SOBP: variants seen among roughly 807,000 people sequenced by gnomAD.
The protein encoded by SOBP is sine oculis binding protein homolog, also known as sine oculis-binding protein homolog.
Under a neutral mutation model 53.6 loss-of-function variants are expected in SOBP, and 4 were observed. The observed-to-expected ratio is 0.07, with a 90% CI of 0.04 to 0.17. The LOEUF is 0.17. SOBP is among the 10% of genes least tolerant of loss of function. The pLI, the probability that SOBP is intolerant of heterozygous loss-of-function variation, is 1.00. For missense variants in SOBP, 1,088 were observed against 1,204.7 expected (o/e 0.90, Z 1.43); for synonymous variants, 584 against 522.6 (o/e 1.12, Z -1.60).
intron 5 of SOBP, among the ~76,000 whole-genome samples, chr6:107,618,076 G>A (rs1028762463): frequency 7.9e-5 from 12 of 152,156 alleles, no homozygotes; most frequent in East Asian, 7.7e-4. Context: ...TGATGCGCCC[G>A]CCTCAGCCTC....
intron 4 of SOBP, among the ~76,000 whole-genome samples, chr6:107,550,023 G>A (rs963255281): frequency 6.6e-6 from 1 of 152,182 alleles, no homozygotes; most frequent in Non-Finnish European, 1.5e-5. Flanking sequence ...CTCCACACCT[G>A]GAAGGCCAGT....
intron 4 of SOBP, among the ~76,000 whole-genome samples, chr6:107,560,172 T>C (rs188589537): frequency 6.6e-6 from 1 of 152,300 alleles, no homozygotes; most frequent in East Asian, 1.9e-4. Context: ...ACCCTACCAA[T>C]CTGTTTTTAA....
rs570302025 is a variant in SOBP, at chr6:107,540,034, A to G, written c.573+6424A>G. Among the ~76,000 whole-genome samples, 4 of 152,336 alleles carry G rather than the reference A, an allele frequency of 2.6e-5. No homozygotes were observed. In the South Asian group the frequency reaches 8.3e-4, roughly 32 times the overall value. ...GATAATGATTATTCTTTTTCCTGGA[A>G]TAGTAGTTATACTCTGTTGATTCAG... On this transcript the variant is annotated intron_variant, in intron 4 of 6. Coordinates refer to ENST00000317357, the MANE Select transcript of SOBP (RefSeq NM_018013.4).
chr6:107,555,198 A>G (rs1261633079), intron 4 of SOBP, among the ~76,000 whole-genome samples: 8 of 49,058 alleles, frequency 1.6e-4, no homozygotes, highest in Non-Finnish European at 2.2e-4. Context: ...TAAGAGAATG[A>G]AAAAAAAAAA....
At position 107,635,236 on chromosome 6, in the gene SOBP, G is replaced by C. The variant is rs750702969; in HGVS notation, c.2392G>C (p.Gly798Arg). The change falls in exon 6 of 7, where the codon GGG becomes CGG. Residue 798 changes from glycine to arginine, a missense_variant. Physicochemically the swap from Gly to Arg is moderately radical, Grantham distance 125. Around this residue, in one of 6 missense-constraint regions of SOBP, gnomAD observed 665 missense variants for 629.7 expected, o/e 1.06. Coordinates refer to ENST00000317357, the MANE Select transcript of SOBP (RefSeq NM_018013.4). This position sits in a 1 kb window ranked among gnomAD's most constrained non-coding sequence, Gnocchi z 4.5. Reference sequence around the variant, plus strand: ...GCTGATGGGCGAGGAGGCCCTGGCGGGGGGCGACAAGTCAGACCCGAACCT... The same window carrying C: ...GCTGATGGGCGAGGAGGCCCTGGCGCGGGGCGACAAGTCAGACCCGAACCT... ...KKLMGEEALA[G>R]GDKSDPNLNN... 1.2e-5 allele frequency: 19 copies of C among 1,613,916 alleles called. No individual in the cohort carries two copies. In the South Asian group the frequency reaches 2.1e-4, roughly 18 times the overall value.
Position 107,635,499 on chromosome 6 carries a change from A to G in SOBP, c.*3+30A>G, listed in dbSNP as rs775872943. ...GTATGTCCGCCGGGCGCTCCTCCAC[A>G]CCAGCCAGTGCACCTCTCCTTACTT... On this transcript the variant is annotated intron_variant, in intron 6 of 6. Coordinates refer to ENST00000317357, the MANE Select transcript of SOBP (RefSeq NM_018013.4). The surrounding 1 kb of genome is among the most constrained non-coding windows in gnomAD (Gnocchi z 4.5). The G allele has an allele frequency of 1.9e-6, 3 of 1,609,198 alleles. No individual in the cohort carries two copies. Among genetic ancestry groups the G allele is most frequent in the South Asian group, 2.2e-5 (2 of 90,802 alleles).
At chr6:107,577,799 C>G (rs544147347) in intron 4 of SOBP, among the ~76,000 whole-genome samples, 6 of 152,084 alleles carry the variant, frequency 3.9e-5, no homozygotes, top group African/African-American at 1.4e-4. Flanking sequence ...TTTTGCCGGG[C>G]GTGGTTGCTC....
intron 5 of SOBP, among the ~76,000 whole-genome samples, chr6:107,603,906 T>G (rs560253651): frequency 5.4e-5 from 8 of 148,828 alleles, no homozygotes; most frequent in Non-Finnish European, 9.0e-5. Flanking sequence ...GGGAAAGTTT[T>G]CTTATTTCCT....
At chr6:107,589,836 C>G (rs1430142894) in intron 5 of SOBP, among the ~76,000 whole-genome samples, 7 of 152,242 alleles carry the variant, frequency 4.6e-5, no homozygotes, top group African/African-American at 7.2e-5. Context: ...TGCACACTTG[C>G]AGGCATGCGC....
intron 6 of SOBP, among the ~76,000 whole-genome samples, chr6:107,641,575 CT>C (rs1456977221): frequency 6.6e-6 from 1 of 152,110 alleles, no homozygotes; most frequent in East Asian, 1.9e-4. Context: ...TGCTCCCTAG[CT>C]CCCCAGTATG....
At chr6:107,554,130 A>G (rs531519263) in intron 4 of SOBP, among the ~76,000 whole-genome samples, 15 of 152,190 alleles carry the variant, frequency 9.9e-5, no homozygotes, top group Non-Finnish European at 1.9e-4. Context: ...TATGCCTCCC[A>G]GCAGATTTTT....
intron 5 of SOBP, among the ~76,000 whole-genome samples, chr6:107,620,633 C>T (rs1786969602): frequency 6.6e-6 from 1 of 152,186 alleles, no homozygotes; most frequent in African/African-American, 2.4e-5. Flanking sequence ...TCTCCTGTTC[C>T]TGCCCACTTT....
chr6:107,527,573 A>G (rs1016162241), intron 3 of SOBP, among the ~76,000 whole-genome samples: 5 of 152,166 alleles, frequency 3.3e-5, no homozygotes, highest in African/African-American at 1.2e-4. Flanking sequence ...TCATTTACAT[A>G]TAGAATGTGC....
rs1324890400 is a variant in SOBP, at chr6:107,634,345, A to G, written c.1501A>G (p.Met501Val). ...PPVSMMPNGPMPVPQMMNFGL... is the reference protein window; with the variant it reads ...PPVSMMPNGPVPVPQMMNFGL... ...AGTGAGCATGATGCCAAATGGCCCG[A>G]TGCCGGTGCCCCAGATGATGAATTT... is the stretch of plus-strand genomic sequence containing the variant. The change falls in exon 6 of 7, where the codon ATG becomes GTG. Residue 501 changes from methionine (M) to valine (V), a missense_variant. Physicochemically the swap from Met to Val is conservative, Grantham distance 21. This residue lies in a region of SOBP where 665 missense variants were observed against 629.7 expected (regional missense o/e 1.06). Transcript: ENST00000317357. The surrounding 1 kb of genome is among the most constrained non-coding windows in gnomAD (Gnocchi z 4.5). The G allele has an allele frequency of 6.3e-7, 1 of 1,589,740 alleles. No individual in the cohort carries two copies.
At chr6:107,549,146 A>G (rs1784391572) in intron 4 of SOBP, among the ~76,000 whole-genome samples, 1 of 152,094 alleles carries the variant, frequency 6.6e-6, no homozygotes. Flanking sequence ...AGGTGCCTGT[A>G]GTCCCAGCTA....
intron 5 of SOBP, among the ~76,000 whole-genome samples, chr6:107,591,968 G>GTTTTTTTTTTTTTT (rs56210027): frequency 7.9e-5 from 7 of 88,660 alleles, no homozygotes; most frequent in Non-Finnish European, 1.1e-4. Flanking sequence ...GTCTTTTGGT[G>GTTTTTTTTTTTTTT]TTTTTTTTTT....
intron 4 of SOBP, among the ~76,000 whole-genome samples, chr6:107,577,178 C>T (rs920976227): frequency 3.2e-4 from 49 of 152,186 alleles, no homozygotes; most frequent in African/African-American, 1.1e-3. Context: ...CAGGTCATGA[C>T]GAAGGGTGTG....
At chr6:107,501,747 C>T (rs531182233) in intron 1 of SOBP, among the ~76,000 whole-genome samples, 1 of 152,240 alleles carries the variant, frequency 6.6e-6, no homozygotes, top group South Asian at 2.1e-4. Context: ...ACTGATGCCT[C>T]ATTAAAGGGA....
At chr6:107,523,635 G>A (rs553405457) in intron 3 of SOBP, among the ~76,000 whole-genome samples, 4 of 151,596 alleles carry the variant, frequency 2.6e-5, no homozygotes, top group East Asian at 1.9e-4. Flanking sequence ...GTGGCCCCAC[G>A]TGGCCTGCTG....
Sources: allele counts gnomAD v4.1 joint callset (sites outside exome capture counted in the v4.1 genomes callset), GRCh38; gene constraint gnomAD v4.1.1; regional missense constraint gnomAD v4.1.1; non-coding constraint Gnocchi (gnomAD v3.1); transcripts MANE v1.5; gene names NCBI Gene and HGNC (gene_info 2026-07-23, HGNC 2026-07-21).